Variants in FHIT observed in about 807,000 individuals in gnomAD.
FHIT encodes bis(5'-adenosyl)-triphosphatase.
FHIT carries 19 observed loss-of-function variants against 17.9 expected under a neutral mutation model. The observed-to-expected ratio is 1.06, with a 90% CI of 0.74 to 1.56. FHIT has a LOEUF of 1.56. Among genes scored for constraint, FHIT ranks in the 40% most tolerant of loss-of-function variants. The pLI is 0.00. For missense variants in FHIT, 248 were observed against 189.2 expected (o/e 1.31, Z -1.82); for synonymous variants, 81 against 69.7 (o/e 1.16, Z -0.81).
chr3:59,828,422 G>T (rs1701049161), intron 8 of FHIT, among the ~76,000 whole-genome samples: 1 of 152,136 alleles, frequency 6.6e-6, no homozygotes, highest in Non-Finnish European at 1.5e-5. Context: ...AACTCTCAAA[G>T]CATATTTGAT....
At chr3:60,035,273 G>A (rs1701167543) in intron 5 of FHIT, among the ~76,000 whole-genome samples, 2 of 152,226 alleles carry the variant, frequency 1.3e-5, no homozygotes, top group South Asian at 2.1e-4. Context: ...GATCGCTCTT[G>A]TTGCCCAGGC....
At chr3:60,505,559 A>T (rs2034694417) in intron 5 of FHIT, among the ~76,000 whole-genome samples, 1 of 152,178 alleles carries the variant, frequency 6.6e-6, no homozygotes, top group African/African-American at 2.4e-5. Context: ...ATTCTCTCTC[A>T]TATTTACACT....
At chr3:60,219,456 T>C (rs1419731484) in intron 5 of FHIT, among the ~76,000 whole-genome samples, 1 of 152,198 alleles carries the variant, frequency 6.6e-6, no homozygotes, top group African/African-American at 2.4e-5. Context: ...AGGTAGTTTG[T>C]ATTCTCAAAA....
intron 4 of FHIT, among the ~76,000 whole-genome samples, chr3:60,538,607 A>G (rs1372452670): frequency 6.6e-6 from 1 of 152,152 alleles, no homozygotes; most frequent in Admixed American, 6.5e-5. Flanking sequence ...AGACCAATGG[A>G]ACAGAACAGA....
intron 7 of FHIT, among the ~76,000 whole-genome samples, chr3:59,985,354 A>G (rs1176796742): frequency 6.6e-6 from 1 of 152,126 alleles, no homozygotes; most frequent in Non-Finnish European, 1.5e-5. Context: ...CTCCAGACAT[A>G]GGGGGTTATT....
chr3:61,182,804 G>A (rs909353346), intron 2 of FHIT, among the ~76,000 whole-genome samples: 6 of 152,276 alleles, frequency 3.9e-5, no homozygotes, highest in South Asian at 2.1e-4. Context: ...GTACAAAAGA[G>A]CAGACAGTAG....
chr3:60,873,657 C>A (rs1053360624), intron 3 of FHIT, among the ~76,000 whole-genome samples: 1 of 152,186 alleles, frequency 6.6e-6, no homozygotes, highest in Non-Finnish European at 1.5e-5. Context: ...TTCACACTGA[C>A]TGACTCCACA....
At chr3:60,389,075 T>C (rs1267784256) in intron 5 of FHIT, among the ~76,000 whole-genome samples, 1 of 152,190 alleles carries the variant, frequency 6.6e-6, no homozygotes, top group Non-Finnish European at 1.5e-5. Context: ...TCTTCCTTAT[T>C]AAAGGCACTC....
At chr3:60,540,321 G>C (rs1355450307) in intron 4 of FHIT, among the ~76,000 whole-genome samples, 3 of 152,180 alleles carry the variant, frequency 2.0e-5, no homozygotes, top group African/African-American at 7.2e-5. Flanking sequence ...GTATTTCCCT[G>C]AATTCTTTGA....
intron 4 of FHIT, among the ~76,000 whole-genome samples, chr3:60,774,127 T>C (rs1700137873): frequency 6.6e-6 from 1 of 152,182 alleles, no homozygotes; most frequent in African/African-American, 2.4e-5. Flanking sequence ...TCACATGCCT[T>C]ATTCCATTTG....
intron 5 of FHIT, among the ~76,000 whole-genome samples, chr3:60,294,777 A>G (rs1325905399): frequency 2.0e-5 from 3 of 152,218 alleles, no homozygotes; most frequent in East Asian, 3.9e-4. Context: ...TGTTATATAA[A>G]TGGAATCATA....
At chr3:61,190,090 T>C (rs2038665698) in intron 2 of FHIT, among the ~76,000 whole-genome samples, 1 of 151,972 alleles carries the variant, frequency 6.6e-6, no homozygotes, top group Non-Finnish European at 1.5e-5. Flanking sequence ...AAATGGGATC[T>C]AATTAAACTA....
chr3:60,924,268 G>C (rs1222638080), intron 3 of FHIT, among the ~76,000 whole-genome samples: 1 of 152,154 alleles, frequency 6.6e-6, no homozygotes, highest in Admixed American at 6.5e-5. Flanking sequence ...TCCTCAAGTG[G>C]GTCCCTGACC....
At chr3:60,675,534 T>C (rs2040603259) in intron 4 of FHIT, among the ~76,000 whole-genome samples, 1 of 152,202 alleles carries the variant, frequency 6.6e-6, no homozygotes, top group South Asian at 2.1e-4. Context: ...AGTTTAGAGA[T>C]TACATGAAAA....
chr3:61,212,374 A>T (rs1050952716), intron 1 of FHIT, among the ~76,000 whole-genome samples: 1 of 152,250 alleles, frequency 6.6e-6, no homozygotes, highest in South Asian at 2.1e-4. Context: ...TCAGGAGCCG[A>T]TGCGATCAAC....
intron 3 of FHIT, among the ~76,000 whole-genome samples, chr3:60,825,841 T>C (rs73109694): frequency 0.046 from 6,970 of 152,210 alleles, 217 homozygotes; most frequent in South Asian, 0.11. Context: ...TATGTAAAAG[T>C]ATAAACAACG....
At chr3:60,619,905 G>T (rs1257129991) in intron 4 of FHIT, among the ~76,000 whole-genome samples, 1 of 151,986 alleles carries the variant, frequency 6.6e-6, no homozygotes, top group African/African-American at 2.4e-5. Flanking sequence ...GAAAATATTT[G>T]CAAGAAACAT....
chr3:60,801,760 C>T (rs1245013364), intron 4 of FHIT, among the ~76,000 whole-genome samples: 1 of 152,182 alleles, frequency 6.6e-6, no homozygotes, highest in African/African-American at 2.4e-5. Flanking sequence ...TGGAATGTTT[C>T]ATTTAAAAAT....
At chr3:60,705,220 A>G (rs781839483) in intron 4 of FHIT, among the ~76,000 whole-genome samples, 5 of 152,212 alleles carry the variant, frequency 3.3e-5, no homozygotes, top group Non-Finnish European at 5.9e-5. Flanking sequence ...TTATCCTCAC[A>G]GTAAATCCAT....
Sources: gnomAD v4.1 joint callset for allele counts (sites outside exome capture counted in the v4.1 genomes callset) on GRCh38, gnomAD v4.1.1 for gene constraint, MANE v1.5 for transcripts, NCBI Gene and HGNC (gene_info 2026-07-23, HGNC 2026-07-21) for gene names.